Variants in BBX observed in about 807,000 individuals in gnomAD.
BBX encodes HMG box transcription factor BBX.
Under a neutral mutation model 100.2 loss-of-function variants are expected in BBX, and 30 were observed. The observed-to-expected ratio is 0.30, with a 90% confidence interval of 0.22 to 0.41. The LOEUF (loss-of-function observed/expected upper bound fraction) is 0.41. Ranked by LOEUF, BBX falls within the 10% of genes least tolerant of loss-of-function variation. The probability of loss-of-function intolerance (pLI) is 1.00; values close to 1 mark genes in which losing one functional copy is unlikely to be tolerated. For synonymous variants in BBX, 376 were observed against 388.1 expected, an observed-to-expected ratio of 0.97 and a Z score of 0.37; for missense variants, 1,023 against 1,129.8, an observed-to-expected ratio of 0.91 and a Z score of 1.35.
intron 3 of BBX, among the ~76,000 whole-genome samples, chr3:107,694,359 G>GATACGTCCCATCA (rs2060414804): frequency 7.6e-6 from 1 of 132,048 alleles, no homozygotes; most frequent in Non-Finnish European, 1.6e-5. Context: ...ATTATTTTGA[G>GATACGTCCCATCA]ATACGTCCCA....
At chr3:107,762,057 T>G (rs781560995) in intron 10 of BBX, among the ~76,000 whole-genome samples, 1 of 152,216 alleles carries the variant, frequency 6.6e-6, no homozygotes, top group Non-Finnish European at 1.5e-5. Context: ...GTTTCTTTCC[T>G]TATCATTTTA....
At chr3:107,690,110 A>G (rs980426618) in intron 3 of BBX, among the ~76,000 whole-genome samples, 11 of 152,224 alleles carry the variant, frequency 7.2e-5, no homozygotes, top group Admixed American at 7.2e-4. Context: ...GAACTTATTA[A>G]TGAAATGTAC....
intron 2 of BBX, among the ~76,000 whole-genome samples, chr3:107,614,219 G>C (rs1223390974): frequency 2.0e-5 from 3 of 151,890 alleles, no homozygotes; most frequent in African/African-American, 7.3e-5. Context: ...CAAAGTGCTG[G>C]GATTATAGGC....
chr3:107,677,844 T>C (rs2059364781), intron 3 of BBX, among the ~76,000 whole-genome samples: 3 of 152,176 alleles, frequency 2.0e-5, no homozygotes, highest in Admixed American at 6.5e-5. Context: ...CTTTAGCCTA[T>C]TAGTATTTTT....
At position 107,583,596 on chromosome 3, in the gene BBX, C is replaced by T. The variant is rs574164061; in HGVS notation, c.-84+57198C>T. 4.6e-5 allele frequency among the ~76,000 whole-genome samples: 7 copies of T among 151,132 alleles called. No individual in the cohort carries two copies. In the East Asian group the frequency reaches 1.4e-3, roughly 29 times the overall value. On this transcript the variant is annotated intron_variant, in intron 2 of 17. Transcript: ENST00000325805. ...TCACCTTGAACATTTATCTTTTCTT[C>T]TCCTCTAACCATTTTGAAGTATACA...
intron 2 of BBX, among the ~76,000 whole-genome samples, chr3:107,611,215 GT>G (rs2054826659): frequency 6.6e-6 from 1 of 151,992 alleles, no homozygotes; most frequent in South Asian, 2.1e-4. Flanking sequence ...TTGAAAAGTT[GT>G]TGTATTTTTC....
At chr3:107,732,772 A>T (rs560681598) in intron 6 of BBX, among the ~76,000 whole-genome samples, 184 bp from the exon 7 acceptor site, 2 of 152,364 alleles carry the variant, frequency 1.3e-5, no homozygotes, top group East Asian at 3.9e-4. Context: ...CTCACAAAGT[A>T]TGAGCACTAA....
At chr3:107,785,550 AC>A (rs1191495846) in intron 13 of BBX, among the ~76,000 whole-genome samples, 2 of 152,020 alleles carry the variant, frequency 1.3e-5, no homozygotes, top group Non-Finnish European at 2.9e-5. Context: ...AGTGTAACAT[AC>A]CCTACTAATA....
intron 10 of BBX, among the ~76,000 whole-genome samples, chr3:107,769,194 A>T (rs981762102): frequency 8.1e-6 from 1 of 123,718 alleles, no homozygotes; most frequent in African/African-American, 3.0e-5. Context: ...AGATAGATAG[A>T]TAGATAGATA....
intron 7 of BBX, among the ~76,000 whole-genome samples, chr3:107,736,093 T>C (rs773872708): frequency 4.6e-5 from 7 of 152,036 alleles, no homozygotes; most frequent in Non-Finnish European, 8.8e-5. Flanking sequence ...AATTTATTGA[T>C]TGAGGAAGCA....
At chr3:107,576,850 G>T (rs1158773237) in intron 2 of BBX, among the ~76,000 whole-genome samples, 2 of 151,822 alleles carry the variant, frequency 1.3e-5, no homozygotes, top group South Asian at 2.1e-4. Flanking sequence ...ATTGCAAGAA[G>T]ATATTTATTT....
intron 2 of BBX, among the ~76,000 whole-genome samples, chr3:107,602,848 G>T (rs1373644596): frequency 6.6e-6 from 1 of 152,236 alleles, no homozygotes; most frequent in Non-Finnish European, 1.5e-5. Context: ...TAATAAAGAT[G>T]CTGTGAACAT....
intron 2 of BBX, among the ~76,000 whole-genome samples, chr3:107,616,438 G>A (rs946341934): frequency 6.7e-6 from 1 of 149,372 alleles, no homozygotes; most frequent in African/African-American, 2.6e-5. Context: ...TTTTGTTTTT[G>A]TTTTTGTTTT....
chr3:107,711,194 G>A (rs1381142147), intron 4 of BBX: 2 of 390,288 alleles, frequency 5.1e-6, no homozygotes, highest in Non-Finnish European at 1.1e-5. Flanking sequence ...CTCATTCAAA[G>A]TCAAAAGATT....
intron 13 of BBX, among the ~76,000 whole-genome samples, chr3:107,782,921 T>C (rs758958417): frequency 6.6e-6 from 1 of 152,084 alleles, no homozygotes; most frequent in African/African-American, 2.4e-5. Context: ...TGAGATATCA[T>C]AGTAGAGTGA....
At chr3:107,736,319 C>A (rs2063632310) in intron 7 of BBX, among the ~76,000 whole-genome samples, 1 of 151,976 alleles carries the variant, frequency 6.6e-6, no homozygotes, top group Non-Finnish European at 1.5e-5. Flanking sequence ...GTTCTTTAAT[C>A]AGTAAAATGT....
At chr3:107,744,597 C>G (rs2064409692) in intron 7 of BBX, 33 bp from the exon 8 acceptor site, 1 of 1,538,222 alleles carries the variant, frequency 6.5e-7, no homozygotes, top group Non-Finnish European at 8.9e-7. Context: ...GTAAATAGTA[C>G]AAAAGAAAAT....
intron 3 of BBX, among the ~76,000 whole-genome samples, chr3:107,670,670 T>C (rs1576269273): frequency 6.6e-6 from 1 of 152,270 alleles, no homozygotes; most frequent in Middle Eastern, 3.4e-3. Flanking sequence ...AACTTTTTAG[T>C]TTCATATTTG....
At chr3:107,683,284 T>C (rs984358633) in intron 3 of BBX, among the ~76,000 whole-genome samples, 1 of 152,160 alleles carries the variant, frequency 6.6e-6, no homozygotes, top group Non-Finnish European at 1.5e-5. Flanking sequence ...TTTATTTGAT[T>C]TCACAAAGAT....
Sources: gnomAD v4.1 joint callset for allele counts (sites outside exome capture counted in the v4.1 genomes callset) on GRCh38, gnomAD v4.1.1 for gene constraint, MANE v1.5 for transcripts, NCBI Gene and HGNC (gene_info 2026-07-23, HGNC 2026-07-21) for gene names.